Variants in FAM227A observed in about 807,000 individuals in gnomAD.
FAM227A encodes family with sequence similarity 227 member A.
Under a neutral mutation model 74.7 loss-of-function variants are expected in FAM227A, and 80 were observed. The observed-to-expected ratio is 1.07, with a 90% CI of 0.89 to 1.29. The LOEUF (loss-of-function observed/expected upper bound fraction) is 1.29. Ranked by LOEUF, FAM227A falls within the 50% of genes most tolerant of loss-of-function variation. The pLI, the probability that FAM227A is intolerant of heterozygous loss-of-function variation, is 0.00. For synonymous variants in FAM227A, 237 were observed against 241.8 expected (o/e 0.98, Z 0.19); for missense variants, 654 against 683.4 (o/e 0.96, Z 0.48).
chr22:38,600,917 G>A lies in FAM227A; in HGVS notation c.1222-996C>T, dbSNP rs374521743. Among the ~76,000 whole-genome samples, 19 of 148,830 alleles carry A rather than the reference G, an allele frequency of 1.3e-4. 1 individual carries two copies. In the East Asian group the frequency reaches 3.0e-3, roughly 24 times the overall value. On this transcript the variant is annotated intron_variant, in intron 13 of 16. Transcript: ENST00000535113. Reference sequence around the variant, plus strand: ...CAGTGAGCCGAGATTGCACCATTGCGCTCCAGCCTGGCGACAGAGTGAGAC... The same window carrying A: ...CAGTGAGCCGAGATTGCACCATTGCACTCCAGCCTGGCGACAGAGTGAGAC...
intron 15 of FAM227A, 50 bp from the exon 16 acceptor site, chr22:38,591,590 T>C: frequency 7.7e-7 from 1 of 1,299,550 alleles, no homozygotes; most frequent in South Asian, 1.5e-5. Context: ...GTGATTAACA[T>C]GTCCTCAATG....
intron 10 of FAM227A, 127 bp from the exon 11 acceptor site, chr22:38,620,418 G>A (rs2091663036): frequency 1.4e-6 from 1 of 692,080 alleles, no homozygotes; most frequent in Non-Finnish European, 2.5e-6. Flanking sequence ...TCTCTCTGTT[G>A]ACTCCACCTG....
chr22:38,591,313 ACT>A lies in FAM227A; in HGVS notation c.1638+120_1638+121del, dbSNP rs760885114. On this transcript the variant is annotated intron_variant, in intron 16 of 16. Transcript: ENST00000535113. Reference sequence around the variant, plus strand: ...CACTCAGCCTTGAGGAGAGAGTGAGACTCTGTCTCAGTAAAATAAAATAAAAT... The same window carrying A: ...CACTCAGCCTTGAGGAGAGAGTGAGACTGTCTCAGTAAAATAAAATAAAAT... The A allele has an allele frequency of 2.0e-5, 29 of 1,425,984 alleles. No homozygotes were observed. In the South Asian group the frequency reaches 3.1e-4, roughly 15 times the overall value. 88.3% of individuals were successfully genotyped at this position (1,425,984 alleles called of 1,614,324 possible).
intron 10 of FAM227A, among the ~76,000 whole-genome samples, chr22:38,622,054 ACCAGGCAT>A (rs1452950754): frequency 6.6e-6 from 1 of 152,216 alleles, no homozygotes; most frequent in African/African-American, 2.4e-5. Context: ...AGACATGCCC[ACCAGGCAT>A]CAAGACAGTT....
At chr22:38,621,637 G>C (rs367753676) in intron 10 of FAM227A, among the ~76,000 whole-genome samples, 1 of 152,158 alleles carries the variant, frequency 6.6e-6, no homozygotes, top group South Asian at 2.1e-4. Context: ...ATAAGTGCCA[G>C]CTTATAATTT....
intron 6 of FAM227A, among the ~76,000 whole-genome samples, chr22:38,632,223 G>A (rs1009308597): frequency 1.3e-5 from 2 of 152,148 alleles, no homozygotes; most frequent in African/African-American, 4.8e-5. Context: ...CTGAAGTAGT[G>A]ATTGGTCTCA....
chr22:38,599,452 A>G (rs2091123602), intron 14 of FAM227A, among the ~76,000 whole-genome samples: 1 of 152,190 alleles, frequency 6.6e-6, no homozygotes. Context: ...GGGAAGCACT[A>G]TTTAGTTTCA....
chr22:38,616,779 C>T (rs1481417606), intron 11 of FAM227A, among the ~76,000 whole-genome samples: 1 of 151,838 alleles, frequency 6.6e-6, no homozygotes, highest in Non-Finnish European at 1.5e-5. Context: ...AATGACCCCA[C>T]AGAATGGGAG....
At chr22:38,618,786 A>C (rs2091627731) in intron 11 of FAM227A, among the ~76,000 whole-genome samples, 1 of 152,186 alleles carries the variant, frequency 6.6e-6, no homozygotes, top group African/African-American at 2.4e-5. Context: ...TCGGCTTTGC[A>C]GGTCCTAAAG....
chr22:38,598,236 A>G (rs189745859), intron 14 of FAM227A, among the ~76,000 whole-genome samples: 10 of 152,284 alleles, frequency 6.6e-5, no homozygotes, highest in Admixed American at 3.3e-4. Flanking sequence ...GTTAATCATA[A>G]TCCTGGTAGT....
chr22:38,638,586 G>GT (rs2092050386), intron 5 of FAM227A, among the ~76,000 whole-genome samples, 160 bp downstream of exon 5: 1 of 152,166 alleles, frequency 6.6e-6, no homozygotes, highest in Non-Finnish European at 1.5e-5. Flanking sequence ...CAGCTCTGCT[G>GT]TTGTAAGGGT....
intron 16 of FAM227A, among the ~76,000 whole-genome samples, chr22:38,588,345 G>A (rs913784422): frequency 6.6e-6 from 1 of 152,080 alleles, no homozygotes; most frequent in Admixed American, 6.6e-5. Context: ...TTAGCCAGGC[G>A]CGGTGGCTCA....
At chr22:38,626,629 C>T (rs1057030865) in intron 8 of FAM227A, among the ~76,000 whole-genome samples, 2 of 150,804 alleles carry the variant, frequency 1.3e-5, no homozygotes, top group Non-Finnish European at 3.0e-5. Context: ...TTTGGGAGGC[C>T]GAGGCGGGTG....
At chr22:38,642,456 T>C (rs1409104000) in intron 3 of FAM227A, among the ~76,000 whole-genome samples, 2 of 152,148 alleles carry the variant, frequency 1.3e-5, no homozygotes, top group East Asian at 3.8e-4. Flanking sequence ...TAGGTGACCT[T>C]GGGTTTGGCC....
At chr22:38,652,954 G>T (rs2092344337) in intron 1 of FAM227A, among the ~76,000 whole-genome samples, 1 of 152,022 alleles carries the variant, frequency 6.6e-6, no homozygotes, top group Non-Finnish European at 1.5e-5. Flanking sequence ...TACAATCAGG[G>T]GTCCCCAACC....
At chr22:38,595,029 C>T (rs537780670) in intron 15 of FAM227A, among the ~76,000 whole-genome samples, 25 of 152,078 alleles carry the variant, frequency 1.6e-4, no homozygotes, top group African/African-American at 5.8e-4. Context: ...ACCTGGGGGA[C>T]GGAGGTTGCA....
chr22:38,631,527 G>A (rs2091914976), intron 6 of FAM227A, among the ~76,000 whole-genome samples: 1 of 152,056 alleles, frequency 6.6e-6, no homozygotes, highest in African/African-American at 2.4e-5. Context: ...AGGTACCCTC[G>A]AGTCAAAAAT....
chr22:38,619,322 T>G (rs1242431000), intron 11 of FAM227A, among the ~76,000 whole-genome samples: 2 of 151,872 alleles, frequency 1.3e-5, no homozygotes, highest in Admixed American at 6.6e-5. Flanking sequence ...TCTTATTTAT[T>G]TATTTATTTA....
Position 38,623,221 on chromosome 22 carries a change from C to G in FAM227A, c.909G>C (p.Glu303Asp). Residue 303 changes from glutamate (E) to aspartate (D), a missense_variant, in exon 10 of 17, where the codon GAG becomes GAC. By Grantham distance (45) the Glu-to-Asp change is conservative. Coordinates refer to ENST00000535113, the MANE Select transcript of FAM227A (RefSeq NM_001013647.2). ...ACATTAATTCTTCTCTGCGGAATCGCTCTGGGTCTAGTTCCGAGTAGTCCC... is the reference window on the plus strand; with the variant it reads ...ACATTAATTCTTCTCTGCGGAATCGGTCTGGGTCTAGTTCCGAGTAGTCCC... The part of the protein sequence containing the change: ...DSWDYSELDP[E>D]RFRREELMLY... 6.4e-7 allele frequency: 1 copy of G among 1,551,694 alleles called. No individual in the cohort carries two copies. Among genetic ancestry groups the G allele is most frequent in the Non-Finnish European group, 8.7e-7 (1 of 1,146,968 alleles).
Sources: gnomAD v4.1 joint callset for allele counts (sites outside exome capture counted in the v4.1 genomes callset) on GRCh38, gnomAD v4.1.1 for gene constraint, MANE v1.5 for transcripts, NCBI Gene and HGNC (gene_info 2026-07-23, HGNC 2026-07-21) for gene names.